Variants in KAZN observed in about 807,000 individuals in gnomAD.
The protein encoded by KAZN is kazrin.
A neutral mutation model predicts 87.4 loss-of-function variants in KAZN; 40 were observed. The ratio of observed to expected loss-of-function variants is 0.46; its 90% confidence interval spans 0.36 to 0.60. The LOEUF is 0.60. Ranked by LOEUF, KAZN falls within the 20% of genes least tolerant of loss-of-function variation. The probability of loss-of-function intolerance (pLI) is 0.00; values close to 1 mark genes in which losing one functional copy is unlikely to be tolerated. For missense variants in KAZN, 898 were observed against 1,073.9 expected (o/e 0.84, Z 2.29); for synonymous variants, 466 against 458.3 (o/e 1.02, Z -0.22).
intron 1 of KAZN, among the ~76,000 whole-genome samples, chr1:14,743,765 G>T (rs528158398): frequency 6.6e-6 from 1 of 152,114 alleles, no homozygotes. Context: ...TTTATTTAGC[G>T]TTGGCAGTGG....
chr1:14,578,406 A>G (rs1427009713), intron 2 of KAZN, among the ~76,000 whole-genome samples: 1 of 145,948 alleles, frequency 6.9e-6, no homozygotes, highest in Non-Finnish European at 1.5e-5. Flanking sequence ...TGAAATGAGG[A>G]GAGGAGAAAA....
chr1:14,138,952 G>A (rs1220880556), intron 1 of KAZN, among the ~76,000 whole-genome samples: 1 of 152,188 alleles, frequency 6.6e-6, no homozygotes, highest in African/African-American at 2.4e-5. Context: ...CAGGGCCGAT[G>A]GATTCAAAGA....
intron 2 of KAZN, among the ~76,000 whole-genome samples, chr1:14,241,854 A>G (rs1285698131): frequency 1.3e-5 from 2 of 152,156 alleles, no homozygotes; most frequent in South Asian, 2.1e-4. Flanking sequence ...AAAAATTCCA[A>G]CTTTCTGAGA....
At chr1:13,924,124 CTCAA>C (rs150760470) in intron 1 of KAZN, among the ~76,000 whole-genome samples, 4,514 of 152,156 alleles carry the variant, frequency 0.03, 218 homozygotes, top group African/African-American at 0.1. Context: ...GTGCCATAAA[CTCAA>C]TCTGCAAGCA....
intron 2 of KAZN, among the ~76,000 whole-genome samples, chr1:14,538,762 A>G (rs902267297): frequency 6.6e-6 from 1 of 152,202 alleles, no homozygotes; most frequent in African/African-American, 2.4e-5. Flanking sequence ...TTTTTTTCAA[A>G]GATATTCATC....
intron 2 of KAZN, among the ~76,000 whole-genome samples, chr1:14,301,387 T>C (rs976893422): frequency 6.6e-6 from 1 of 152,178 alleles, no homozygotes; most frequent in Non-Finnish European, 1.5e-5. Flanking sequence ...AACTCCCCAG[T>C]CCCATCGGCT....
intron 1 of KAZN, among the ~76,000 whole-genome samples, chr1:13,952,520 T>A (rs1318975565): frequency 1.3e-5 from 2 of 151,860 alleles, no homozygotes; most frequent in Non-Finnish European, 2.9e-5. Context: ...ACCCCTTACA[T>A]GGAGGTGAAT....
Position 14,735,492 on chromosome 1 carries a change from C to T in KAZN, c.226+136269C>T, listed in dbSNP as rs1335607704. 6.6e-6 allele frequency among the ~76,000 whole-genome samples: 1 copy of T among 152,198 alleles called. No homozygotes were observed. The highest frequency in any genetic ancestry group is 1.5e-5 in the Non-Finnish European group (1 of 68,032). ...GTGTTTAGGCTGGACCCCGAAACCA[C>T]CCCCATACACAAAGCCTGAGTGTCA... is the stretch of plus-strand genomic sequence containing the variant. On this transcript the variant is annotated intron_variant, in intron 1 of 14. Transcript: ENST00000376030. The surrounding 1 kb of genome is among the most constrained non-coding windows in gnomAD (Gnocchi z 4.3).
chr1:14,050,090 A>C (rs1248316209), intron 1 of KAZN, among the ~76,000 whole-genome samples: 3 of 149,570 alleles, frequency 2.0e-5, no homozygotes, highest in Non-Finnish European at 3.0e-5. Context: ...GCCTGTGTAC[A>C]TGTGTGCATG....
chr1:14,883,342 GAAAGAAAGAAAGAAAAGAAAGAAAGAA>G (rs1176140967), intron 1 of KAZN, among the ~76,000 whole-genome samples: 1 of 33,462 alleles, frequency 3.0e-5, no homozygotes, highest in African/African-American at 9.3e-5. Context: ...GAGAGAGAGA[GAAAGAAAGAAAGAAAAGAAAGAAAGAA>G]AGAAAGAAAG....
At chr1:14,285,375 G>T (rs1653162285) in intron 2 of KAZN, among the ~76,000 whole-genome samples, 1 of 152,140 alleles carries the variant, frequency 6.6e-6, no homozygotes, top group African/African-American at 2.4e-5. Context: ...GCAGTCTATT[G>T]GTTCCTCTCT....
At chr1:14,543,445 TG>T (rs1418066465) in intron 2 of KAZN, among the ~76,000 whole-genome samples, 1 of 152,186 alleles carries the variant, frequency 6.6e-6, no homozygotes, top group African/African-American at 2.4e-5. Context: ...GTGCCAATCA[TG>T]CCAGGGACAC....
chr1:14,419,832 A>G (rs1175006927), intron 2 of KAZN, among the ~76,000 whole-genome samples: 1 of 152,062 alleles, frequency 6.6e-6, no homozygotes, highest in Non-Finnish European at 1.5e-5. Context: ...CTGGTCTCGG[A>G]AGTGAAGCCA....
At chr1:14,758,085 G>A (rs911211965) in intron 1 of KAZN, among the ~76,000 whole-genome samples, 4 of 148,578 alleles carry the variant, frequency 2.7e-5, no homozygotes, top group African/African-American at 1.0e-4. Flanking sequence ...GACTTTGTTT[G>A]TTTGTTTGTT....
intron 1 of KAZN, among the ~76,000 whole-genome samples, chr1:14,854,895 T>G (rs1364952441): frequency 1.3e-5 from 2 of 152,188 alleles, no homozygotes; most frequent in Non-Finnish European, 2.9e-5. Flanking sequence ...GCCGCTCTGA[T>G]GTTTCTGAGC....
chr1:14,399,035 GTTTGT>G (rs1451375705), intron 2 of KAZN, among the ~76,000 whole-genome samples: 2 of 152,110 alleles, frequency 1.3e-5, no homozygotes, highest in Admixed American at 1.3e-4. Context: ...GGGGGATTTT[GTTTGT>G]TTTGAGACAG....
chr1:15,044,224 C>T lies in KAZN; in HGVS notation c.726+65C>T, dbSNP rs374774486. ...AGCAGTGCCGTGCTGGGAGCCGGGA[C>T]GTCTGGCACCGACTCACATCGGAGA... On this transcript the variant is annotated intron_variant, in intron 4 of 14. Transcript: ENST00000376030. 628 of 1,016,004 alleles carry T rather than the reference C, an allele frequency of 6.2e-4. 7 individuals are homozygous for T. In the South Asian group the frequency reaches 0.01, roughly 17 times the overall value. The allele number at this position is 1,016,004 out of a possible 1,614,324, so 62.9% of individuals were successfully genotyped here.
intron 2 of KAZN, among the ~76,000 whole-genome samples, chr1:14,423,852 T>C (rs144876867): frequency 6.6e-6 from 1 of 152,252 alleles, no homozygotes; most frequent in Non-Finnish European, 1.5e-5. Flanking sequence ...GAGAAGGCAG[T>C]CACTAGAGAC....
At chr1:13,898,693 A>C (rs1180202270) in intron 1 of KAZN, among the ~76,000 whole-genome samples, 1 of 152,144 alleles carries the variant, frequency 6.6e-6, no homozygotes, top group African/African-American at 2.4e-5. Context: ...TTGCATGATT[A>C]GTGAGGGATT....
Sources: gnomAD v4.1 joint callset for allele counts (sites outside exome capture counted in the v4.1 genomes callset) on GRCh38, gnomAD v4.1.1 for gene constraint, Gnocchi (gnomAD v3.1) non-coding constraint, MANE v1.5 for transcripts, NCBI Gene and HGNC (gene_info 2026-07-23, HGNC 2026-07-21) for gene names.